SUPT3H: variants seen among roughly 807,000 people sequenced by gnomAD.
The protein encoded by SUPT3H is transcription initiation protein SPT3 homolog.
A neutral mutation model predicts 44.3 loss-of-function variants in SUPT3H; 44 were observed. The observed-to-expected ratio is 0.99, with a 90% CI of 0.78 to 1.28. The LOEUF (loss-of-function observed/expected upper bound fraction) is 1.28, where lower values mean the gene tolerates loss of function less well. Ranked by LOEUF, SUPT3H falls within the 50% of genes most tolerant of loss-of-function variation. SUPT3H has a pLI of 0.00. For synonymous variants in SUPT3H, 124 were observed against 125.6 expected (o/e 0.99, Z 0.09); for missense variants, 380 against 387.1 (o/e 0.98, Z 0.15).
chr6:44,956,200 CTA>C (rs1775133992), intron 7 of SUPT3H, among the ~76,000 whole-genome samples: 1 of 142,082 alleles, frequency 7.0e-6, no homozygotes, highest in Non-Finnish European at 1.5e-5. Context: ...AAAAAAGTGT[CTA>C]GGTCGGGCGC....
intron 2 of SUPT3H, among the ~76,000 whole-genome samples, chr6:45,127,211 G>GGC (rs1802578773): frequency 6.6e-6 from 1 of 152,172 alleles, no homozygotes; most frequent in South Asian, 2.1e-4. Context: ...CTACTCAGGA[G>GGC]GCTGAGGCAG....
intron 2 of SUPT3H, among the ~76,000 whole-genome samples, chr6:45,290,869 C>T (rs1450995680): frequency 6.6e-6 from 1 of 152,080 alleles, no homozygotes; most frequent in Non-Finnish European, 1.5e-5. Flanking sequence ...GAATCTGAGG[C>T]CCAAGAAAAT....
intron 10 of SUPT3H, among the ~76,000 whole-genome samples, chr6:44,864,907 C>G (rs1408938916): frequency 6.6e-6 from 1 of 152,158 alleles, no homozygotes; most frequent in Non-Finnish European, 1.5e-5. Flanking sequence ...TTGAATTTCT[C>G]CTCATATAAT....
chr6:45,112,268 A>T (rs1800177037), intron 2 of SUPT3H, among the ~76,000 whole-genome samples: 1 of 152,172 alleles, frequency 6.6e-6, no homozygotes, highest in Non-Finnish European at 1.5e-5. Flanking sequence ...ATTAAGAAAA[A>T]GAAAAACATG....
chr6:45,089,012 A>C (rs1323857097), intron 3 of SUPT3H, among the ~76,000 whole-genome samples: 1 of 152,064 alleles, frequency 6.6e-6, no homozygotes, highest in East Asian at 1.9e-4. Context: ...TCTGAAGGAA[A>C]GTAGAATTCA....
At chr6:45,029,594 A>G (rs1023899974) in intron 3 of SUPT3H, among the ~76,000 whole-genome samples, 3 of 152,088 alleles carry the variant, frequency 2.0e-5, no homozygotes, top group Non-Finnish European at 4.4e-5. Flanking sequence ...TTTTCTTTTA[A>G]CCTGTTTTGC....
At chr6:44,995,761 T>A (rs1399810665) in intron 6 of SUPT3H, among the ~76,000 whole-genome samples, 3 of 151,498 alleles carry the variant, frequency 2.0e-5, no homozygotes, top group Admixed American at 2.0e-4. Flanking sequence ...ATGGGAAAAA[T>A]AAAATAAAAT....
chr6:44,860,581 A>C (rs534963518), intron 10 of SUPT3H, among the ~76,000 whole-genome samples: 2 of 152,302 alleles, frequency 1.3e-5, no homozygotes, highest in Non-Finnish European at 2.9e-5. Context: ...TTGCCATTAT[A>C]ACAGGATTCA....
At chr6:44,961,630 C>A (rs985294441) in intron 7 of SUPT3H, 123 bp downstream of exon 7, 12 of 737,646 alleles carry the variant, frequency 1.6e-5, no homozygotes, top group Non-Finnish European at 2.3e-5. Flanking sequence ...GTTTGTATAG[C>A]ACTTACAACT....
chr6:44,842,460 A>G (rs1771097837), intron 10 of SUPT3H, among the ~76,000 whole-genome samples: 1 of 152,164 alleles, frequency 6.6e-6, no homozygotes. Flanking sequence ...AAAAACAGGT[A>G]AGTGGTATCA....
chr6:45,285,875 T>A (rs1051040186), intron 2 of SUPT3H, among the ~76,000 whole-genome samples: 22 of 152,062 alleles, frequency 1.4e-4, no homozygotes, highest in Non-Finnish European at 2.6e-4. Context: ...CAAAACAGAA[T>A]GGTACTGGTA....
At chr6:44,910,359 G>A (rs889786352) in intron 10 of SUPT3H, among the ~76,000 whole-genome samples, 1 of 152,086 alleles carries the variant, frequency 6.6e-6, no homozygotes, top group Non-Finnish European at 1.5e-5. Flanking sequence ...GGAGAAAATT[G>A]TTTACTATAT....
intron 2 of SUPT3H, among the ~76,000 whole-genome samples, chr6:45,357,155 C>T (rs1028201161): frequency 2.6e-5 from 4 of 151,738 alleles, no homozygotes; most frequent in Middle Eastern, 3.5e-3. Context: ...TACAGGCACC[C>T]GCCACCAAGC....
chr6:44,971,934 G>A (rs745334060), intron 6 of SUPT3H, among the ~76,000 whole-genome samples: 37 of 150,872 alleles, frequency 2.5e-4, no homozygotes, highest in Non-Finnish European at 4.0e-4. Flanking sequence ...CACCACACCC[G>A]GCTAATTTTT....
intron 2 of SUPT3H, among the ~76,000 whole-genome samples, chr6:45,181,710 C>G (rs1476432002): frequency 3.9e-5 from 4 of 103,338 alleles, no homozygotes; most frequent in Non-Finnish European, 7.3e-5. Context: ...ACTCTGGGGA[C>G]TGTTGTGGGG....
At chr6:44,910,479 T>C in intron 10 of SUPT3H, among the ~76,000 whole-genome samples, 1 of 152,114 alleles carries the variant, frequency 6.6e-6, no homozygotes, top group Non-Finnish European at 1.5e-5. Context: ...CTTCATGGGA[T>C]TTAAGTAACT....
chr6:45,201,092 TTAAG>T (rs1762401674), intron 2 of SUPT3H, among the ~76,000 whole-genome samples: 1 of 151,678 alleles, frequency 6.6e-6, no homozygotes, highest in South Asian at 2.1e-4. Context: ...TACATAATAA[TTAAG>T]TATACATGTT....
Position 45,050,802 on chromosome 6 carries a change from A to G in SUPT3H, c.187-30170T>C, listed in dbSNP as rs370254184. 4.6e-5 allele frequency among the ~76,000 whole-genome samples: 7 copies of G among 152,000 alleles called. No homozygotes were observed. In the East Asian group the frequency reaches 9.7e-4, roughly 21 times the overall value. On this transcript the variant is annotated intron_variant, in intron 3 of 10. Coordinates refer to ENST00000371459, the MANE Select transcript of SUPT3H (RefSeq NM_003599.4). ...ATATTGGCTAATTATTCTCCGAATA[A>G]TCTAGTAAAGAGTAGAAATGTAATA...
At chr6:45,079,062 G>A (rs1795401886) in intron 3 of SUPT3H, among the ~76,000 whole-genome samples, 1 of 152,110 alleles carries the variant, frequency 6.6e-6, no homozygotes, top group African/African-American at 2.4e-5. Flanking sequence ...TATAATCCCA[G>A]CACTTTGGGA....
Sources: allele counts gnomAD v4.1 joint callset (sites outside exome capture counted in the v4.1 genomes callset), GRCh38; gene constraint gnomAD v4.1.1; transcripts MANE v1.5; gene names NCBI Gene and HGNC (gene_info 2026-07-23, HGNC 2026-07-21).